CRACR2A: variants seen among roughly 807,000 people sequenced by gnomAD.
CRACR2A encodes the protein calcium release activated channel regulator 2A, also known as EF-hand calcium-binding domain-containing protein 4B.
A neutral mutation model predicts 90.5 loss-of-function variants in CRACR2A; 79 were observed. The observed-to-expected ratio is 0.87, with a 90% confidence interval of 0.73 to 1.05. The LOEUF (loss-of-function observed/expected upper bound fraction) is 1.05, where lower values mean the gene tolerates loss of function less well. CRACR2A is among the 50% of genes least tolerant of loss of function. CRACR2A has a pLI of 0.00. For synonymous variants in CRACR2A, 338 were observed against 356.7 expected (o/e 0.95, Z 0.59); for missense variants, 823 against 897.2 (o/e 0.92, Z 1.06).
rs995185884 is a variant in CRACR2A, at chr12:3,719,615, T to G, written c.-117-6298A>C. Among the ~76,000 whole-genome samples, 9 of 152,308 alleles carry G rather than the reference T, an allele frequency of 5.9e-5. No individual in the cohort carries two copies. In the South Asian group the frequency reaches 1.7e-3, roughly 28 times the overall value. ...GCCAAAACCGTGCAGACTCTTTCCTTGATCTGGTAATGAAATTCCCTCTGA... is the reference window on the plus strand; with the variant it reads ...GCCAAAACCGTGCAGACTCTTTCCTGGATCTGGTAATGAAATTCCCTCTGA... On this transcript the variant is annotated intron_variant, in intron 2 of 19. Transcript: ENST00000440314.
intron 4 of CRACR2A, among the ~76,000 whole-genome samples, chr12:3,688,868 A>G (rs1028671627): frequency 6.6e-6 from 1 of 152,132 alleles, no homozygotes; most frequent in African/African-American, 2.4e-5. Flanking sequence ...TTCTCTGAGC[A>G]GTGTTTTTAG....
chr12:3,637,625 C>A (rs189600936), intron 14 of CRACR2A, among the ~76,000 whole-genome samples: 2 of 152,144 alleles, frequency 1.3e-5, no homozygotes, highest in East Asian at 3.9e-4. Flanking sequence ...ATTACACACA[C>A]CCCTTCCCCT....
intron 3 of CRACR2A, among the ~76,000 whole-genome samples, chr12:3,701,128 G>C (rs182322914): frequency 2.4e-4 from 36 of 151,760 alleles, no homozygotes. Flanking sequence ...AGAAAAAAAG[G>C]AAAGGGGAAA....
At chr12:3,730,579 C>T (rs2137852926) in intron 2 of CRACR2A, 1 of 152,190 alleles carries the variant, frequency 6.6e-6, no homozygotes, top group Admixed American at 6.5e-5. Flanking sequence ...TAGGGGATTG[C>T]TAAATTATGG....
intron 2 of CRACR2A, among the ~76,000 whole-genome samples, chr12:3,716,978 G>A (rs1266061622): frequency 6.6e-6 from 1 of 152,072 alleles, no homozygotes; most frequent in Non-Finnish European, 1.5e-5. Context: ...CTTTGTACAA[G>A]CCAGGACACT....
chr12:3,638,927 G>A (rs1039116865), intron 13 of CRACR2A, among the ~76,000 whole-genome samples: 6 of 152,158 alleles, frequency 3.9e-5, no homozygotes, highest in Non-Finnish European at 7.4e-5. Flanking sequence ...TGCCCCCAGC[G>A]CCAGCCCTTA....
chr12:3,630,161 A>G (rs1306234380), intron 15 of CRACR2A, among the ~76,000 whole-genome samples: 1 of 152,048 alleles, frequency 6.6e-6, no homozygotes, highest in African/African-American at 2.4e-5. Context: ...GATGCTGACA[A>G]TCTTTAAGTG....
intron 1 of CRACR2A, among the ~76,000 whole-genome samples, chr12:3,747,285 T>C (rs1256335382): frequency 6.6e-6 from 1 of 152,220 alleles, no homozygotes; most frequent in East Asian, 1.9e-4. Flanking sequence ...ACAGTGCCTA[T>C]TTCATAAAAC....
In CRACR2A at chr12:3,711,965, G is replaced by C. The variant is rs1242976635; in HGVS notation, c.-37+1272C>G. On this transcript the variant is annotated intron_variant, in intron 3 of 19. Transcript: ENST00000440314. The surrounding 1 kb of genome is among the most constrained non-coding windows in gnomAD (Gnocchi z 4.3). The stretch of plus-strand genomic sequence containing the variant: ...TTATTATCATGGATTTTAGTGGCTG[G>C]TTGAAAATGAGAGGAAAACAAAGAC... Among the ~76,000 whole-genome samples, 1 of 152,176 alleles carries C rather than the reference G, an allele frequency of 6.6e-6. No individual in the cohort carries two copies. The highest frequency in any genetic ancestry group is 2.4e-5 in the African/African-American group (1 of 41,438).
chr12:3,640,202 G>A (rs532877469), intron 13 of CRACR2A, among the ~76,000 whole-genome samples: 120 of 152,334 alleles, frequency 7.9e-4, no homozygotes, highest in African/African-American at 2.7e-3. Context: ...CATCCGTAGG[G>A]ACAGCAGCTA....
intron 2 of CRACR2A, among the ~76,000 whole-genome samples, chr12:3,723,856 C>T (rs1946220157): frequency 6.6e-6 from 1 of 152,180 alleles, no homozygotes; most frequent in African/African-American, 2.4e-5. Flanking sequence ...TCAGTAGCCA[C>T]TGACATTACA....
chr12:3,697,018 T>C lies in CRACR2A; in HGVS notation c.-19A>G, dbSNP rs756986751. 1.8e-5 allele frequency: 28 copies of C among 1,589,814 alleles called. No individual in the cohort carries two copies. The African/African-American group carries it at 2.2e-4, about 12-fold the overall frequency. ...CAGCCATCGCGATTAGTCAGTTTCT[T>C]GAAGTCTTTTTCAGAACCTGAACAT... On this transcript the variant is annotated 5_prime_UTR_variant, in exon 4 of 20. Transcript: ENST00000440314.
chr12:3,702,697 T>C (rs985821828), intron 3 of CRACR2A, among the ~76,000 whole-genome samples: 2 of 152,172 alleles, frequency 1.3e-5, no homozygotes, highest in Non-Finnish European at 2.9e-5. Flanking sequence ...CTCAATATTA[T>C]TAAGATGTCA....
intron 8 of CRACR2A, among the ~76,000 whole-genome samples, chr12:3,657,798 G>A (rs150024517): frequency 2.0e-5 from 3 of 152,266 alleles, no homozygotes; most frequent in African/African-American, 7.2e-5. Flanking sequence ...GGCCTACAGA[G>A]CATCCTCACA....
Position 3,649,478 on chromosome 12 carries a change from C to T in CRACR2A, c.1047-865G>A, listed in dbSNP as rs141869422. ...CTTTCCCACCCTCCTCCCAAAGTCT[C>T]CAGATATCTGGGCTTTTCACTATTG... On this transcript the variant is annotated intron_variant, in intron 10 of 19. Transcript: ENST00000440314. Among the ~76,000 whole-genome samples the T allele has an allele frequency of 3.6e-3, 554 of 152,272 alleles. 1 individual carries two copies. The highest frequency in any genetic ancestry group is 0.01 in the African/African-American group (429 of 41,558).
rs76627601 is a variant in CRACR2A at position 3,749,225 on chromosome 12, T to C, written c.-387+3790A>G. Among the ~76,000 whole-genome samples, 236 of 152,340 alleles carry C rather than the reference T, an allele frequency of 1.5e-3. 1 individual carries two copies. Among genetic ancestry groups the C allele is most frequent in the African/African-American group, 5.3e-3 (222 of 41,580 alleles). On this transcript the variant is annotated intron_variant, in intron 1 of 19. Coordinates refer to ENST00000440314, the MANE Select transcript of CRACR2A (RefSeq NM_001144958.2). Reference sequence around the variant, plus strand: ...TGGCACTTTCTTTGCATTGCTCTTGTGAAGGTGACCAGTTTGCCTGGAACA... The same window carrying C: ...TGGCACTTTCTTTGCATTGCTCTTGCGAAGGTGACCAGTTTGCCTGGAACA...
intron 8 of CRACR2A, among the ~76,000 whole-genome samples, chr12:3,657,952 T>C (rs2137488484): frequency 6.6e-6 from 1 of 152,338 alleles, no homozygotes; most frequent in East Asian, 1.9e-4. Context: ...TCCAGCCTTT[T>C]CCATGATGTC....
intron 12 of CRACR2A, among the ~76,000 whole-genome samples, chr12:3,642,605 T>C (rs1944594691): frequency 6.6e-6 from 1 of 152,224 alleles, no homozygotes. Flanking sequence ...CCCTTTTTAT[T>C]TCTAAAGCCT....
At chr12:3,737,173 T>C (rs1242741473) in intron 1 of CRACR2A, among the ~76,000 whole-genome samples, 3 of 152,172 alleles carry the variant, frequency 2.0e-5, no homozygotes, top group African/African-American at 4.8e-5. Context: ...GGAAATTACA[T>C]TTCTGTTGGG....
Sources: gnomAD v4.1 joint callset for allele counts (sites outside exome capture counted in the v4.1 genomes callset) on GRCh38, gnomAD v4.1.1 for gene constraint, Gnocchi (gnomAD v3.1) non-coding constraint, MANE v1.5 for transcripts, NCBI Gene and HGNC (gene_info 2026-07-23, HGNC 2026-07-21) for gene names.